Variants in PLCB1 observed in about 807,000 individuals in gnomAD.
PLCB1 encodes the protein phospholipase C beta 1, also known as 1-phosphatidylinositol 4,5-bisphosphate phosphodiesterase beta-1.
A neutral mutation model predicts 161.8 loss-of-function variants in PLCB1; 46 were observed. That is an observed-to-expected ratio of 0.28 (90% CI 0.22 to 0.36). The LOEUF (loss-of-function observed/expected upper bound fraction) is 0.36. Among genes scored for constraint, PLCB1 ranks in the 10% least tolerant of loss-of-function variants. The probability of loss-of-function intolerance (pLI) is 1.00; values close to 1 mark genes in which losing one functional copy is unlikely to be tolerated. For missense variants in PLCB1, 1,016 were observed against 1,472.5 expected (o/e 0.69, Z 5.07); for synonymous variants, 517 against 503.7 (o/e 1.03, Z -0.35).
chr20:8,298,664 T>G (rs538518057), intron 2 of PLCB1, among the ~76,000 whole-genome samples: 1 of 152,234 alleles, frequency 6.6e-6, no homozygotes, highest in Admixed American at 6.5e-5. Flanking sequence ...ATTTAAATCT[T>G]GTTTTGTTTT....
intron 3 of PLCB1, among the ~76,000 whole-genome samples, chr20:8,430,607 C>T (rs897524132): frequency 6.6e-6 from 1 of 152,154 alleles, no homozygotes; most frequent in South Asian, 2.1e-4. Flanking sequence ...ATAGGCCAAC[C>T]TAACTGCAGC....
At position 8,883,512 on chromosome 20, in the gene PLCB1, T is replaced by C. The variant is rs1365638597; in HGVS notation, c.*1663T>C. ...GTTTTATTTTACTTTAAAATAAACCTGTCTGACTGTAGCTTTGTGAAATAT... is the reference window on the plus strand; with the variant it reads ...GTTTTATTTTACTTTAAAATAAACCCGTCTGACTGTAGCTTTGTGAAATAT... On this transcript the variant is annotated 3_prime_UTR_variant, in exon 32 of 32. Coordinates refer to ENST00000338037, the MANE Select transcript of PLCB1 (RefSeq NM_015192.4). 2 of 152,120 alleles carry C rather than the reference T, an allele frequency of 1.3e-5. No individual in the cohort carries two copies. Among genetic ancestry groups the C allele is most frequent in the African/African-American group, 2.4e-5 (1 of 41,452 alleles). The allele number at this position is 152,120 out of a possible 1,614,324, so 9.4% of individuals were successfully genotyped here. A position where few individuals can be genotyped will look rare whatever the true frequency, so the allele number is the denominator to read the frequency against.
intron 31 of PLCB1, among the ~76,000 whole-genome samples, chr20:8,845,154 T>C (rs6140761): frequency 0.33 from 49,815 of 151,796 alleles, 8,954 homozygotes; most frequent in East Asian, 0.63. Flanking sequence ...TACTAGATTA[T>C]GTTTTTCTTC....
chr20:8,534,014 T>C (rs1600134395), intron 3 of PLCB1, among the ~76,000 whole-genome samples: 1 of 152,346 alleles, frequency 6.6e-6, no homozygotes, highest in African/African-American at 2.4e-5. Flanking sequence ...CGTTTAGGTC[T>C]TTAATCCATC....
chr20:8,326,495 A>T (rs780409019), intron 2 of PLCB1, among the ~76,000 whole-genome samples: 22 of 152,170 alleles, frequency 1.4e-4, no homozygotes, highest in Non-Finnish European at 3.1e-4. Context: ...CCTGTGATTT[A>T]CCTAGTTTCA....
intron 2 of PLCB1, among the ~76,000 whole-genome samples, chr20:8,160,527 C>T (rs951627391): frequency 2.6e-5 from 4 of 152,194 alleles, no homozygotes; most frequent in African/African-American, 9.7e-5. Context: ...AGGCACGTCT[C>T]ACATGGTGTC....
chr20:8,862,707 G>A (rs1191046459), intron 31 of PLCB1, among the ~76,000 whole-genome samples: 1 of 152,100 alleles, frequency 6.6e-6, no homozygotes, highest in Admixed American at 6.5e-5. Flanking sequence ...CATGCATCAA[G>A]GACTAGGGCA....
At chr20:8,456,067 AT>A (rs919297764) in intron 3 of PLCB1, among the ~76,000 whole-genome samples, 2 of 152,216 alleles carry the variant, frequency 1.3e-5, no homozygotes, top group Non-Finnish European at 2.9e-5. Context: ...AAAATCAAAG[AT>A]TTGGTTTCAA....
intron 2 of PLCB1, among the ~76,000 whole-genome samples, chr20:8,217,744 A>G (rs550832413): frequency 1.3e-5 from 2 of 152,266 alleles, no homozygotes; most frequent in Admixed American, 1.3e-4. Flanking sequence ...AGAGGTGATT[A>G]GGTCATGCAT....
chr20:8,637,223 T>G (rs1156996473), intron 4 of PLCB1, among the ~76,000 whole-genome samples: 1 of 152,194 alleles, frequency 6.6e-6, no homozygotes, highest in Non-Finnish European at 1.5e-5. Context: ...CTTTAGTAGT[T>G]AAGCCAAATG....
rs577641476 is a variant in PLCB1, at chr20:8,662,551, A to G, written c.862+3847A>G. On this transcript the variant is annotated intron_variant, in intron 9 of 31. Coordinates refer to ENST00000338037, the MANE Select transcript of PLCB1 (RefSeq NM_015192.4). ...AATTATGTGTAATATATAATTATTT[A>G]TCATATAATTACAATATATATTATT... Among the ~76,000 whole-genome samples, 432 of 144,736 alleles carry G rather than the reference A, an allele frequency of 3.0e-3. 1 individual carries two copies. Among genetic ancestry groups the G allele is most frequent in the African/African-American group, 0.01 (407 of 39,898 alleles). The allele number at this position is 144,736 out of a possible 152,430, so 95.0% of individuals were successfully genotyped here. A position where few individuals can be genotyped will look rare whatever the true frequency, so the allele number is the denominator to read the frequency against.
At chr20:8,811,239 A>C (rs2146252420) in intron 31 of PLCB1, among the ~76,000 whole-genome samples, 1 of 152,306 alleles carries the variant, frequency 6.6e-6, no homozygotes, top group African/African-American at 2.4e-5. Flanking sequence ...ACCAGGTAAG[A>C]GTGGATTAAA....
At chr20:8,494,492 C>G (rs759193888) in intron 3 of PLCB1, among the ~76,000 whole-genome samples, 6 of 152,190 alleles carry the variant, frequency 3.9e-5, no homozygotes, top group Non-Finnish European at 5.9e-5. Flanking sequence ...CTTGAACGCT[C>G]TCTTTCATTT....
chr20:8,765,427 T>C, intron 26 of PLCB1, 69 bp downstream of exon 26: 1 of 1,177,864 alleles, frequency 8.5e-7, no homozygotes, highest in Non-Finnish European at 1.2e-6. Context: ...TTTTAATGTT[T>C]TATATCATAT....
intron 2 of PLCB1, among the ~76,000 whole-genome samples, chr20:8,255,437 C>A (rs563929484): frequency 2.6e-5 from 4 of 152,004 alleles, no homozygotes; most frequent in African/African-American, 9.6e-5. Context: ...TGCCCTAATC[C>A]TTATTTAAGA....
chr20:8,409,898 A>C lies in PLCB1; in HGVS notation c.246+38448A>C, dbSNP rs962665382. ...GTCACAGGAAAGAAGATGCTGGGGG[A>C]TGAGGTCCCCCCATTGAATCTGATT... is the stretch of plus-strand genomic sequence containing the variant. On this transcript the variant is annotated intron_variant, in intron 3 of 31. Transcript: ENST00000338037. Among the ~76,000 whole-genome samples, 4 of 152,164 alleles carry C rather than the reference A, an allele frequency of 2.6e-5. No homozygotes were observed. The South Asian group carries it at 8.3e-4, about 32-fold the overall frequency.
intron 2 of PLCB1, among the ~76,000 whole-genome samples, chr20:8,234,951 T>C (rs559005772): frequency 3.7e-4 from 56 of 152,170 alleles, no homozygotes; most frequent in South Asian, 1.5e-3. Flanking sequence ...AGAATCCAAT[T>C]TGAGGGGTTC....
intron 2 of PLCB1, among the ~76,000 whole-genome samples, chr20:8,268,415 T>C (rs1337256441): frequency 6.6e-6 from 1 of 152,212 alleles, no homozygotes; most frequent in African/African-American, 2.4e-5. Flanking sequence ...TGAATAGTGC[T>C]GCAGTAAACA....
intron 3 of PLCB1, among the ~76,000 whole-genome samples, chr20:8,543,315 G>A (rs1276845292): frequency 6.6e-6 from 1 of 152,156 alleles, no homozygotes; most frequent in Non-Finnish European, 1.5e-5. Context: ...AAGGACGTGG[G>A]CTTTTGCTCT....
Sources: gnomAD v4.1 joint callset for allele counts (sites outside exome capture counted in the v4.1 genomes callset) on GRCh38, gnomAD v4.1.1 for gene constraint, MANE v1.5 for transcripts, NCBI Gene and HGNC (gene_info 2026-07-23, HGNC 2026-07-21) for gene names.